Variants in DPP10 observed in about 807,000 individuals in gnomAD.
DPP10 encodes inactive dipeptidyl peptidase 10.
A neutral mutation model predicts 120.9 loss-of-function variants in DPP10; 33 were observed. The ratio of observed to expected loss-of-function variants is 0.27; its 90% CI spans 0.21 to 0.37. The LOEUF (loss-of-function observed/expected upper bound fraction) is 0.37, where lower values mean the gene tolerates loss of function less well. Ranked by LOEUF, DPP10 falls within the 10% of genes least tolerant of loss-of-function variation. DPP10 has a pLI of 1.00. For missense variants in DPP10, 816 were observed against 942.8 expected, an observed-to-expected ratio of 0.87 and a Z score of 1.76; for synonymous variants, 337 against 326.1, an observed-to-expected ratio of 1.03 and a Z score of -0.36.
At chr2:115,020,112 G>A (rs535838777) in intron 1 of DPP10, among the ~76,000 whole-genome samples, 4 of 152,080 alleles carry the variant, frequency 2.6e-5, no homozygotes, top group South Asian at 2.1e-4. Flanking sequence ...AAAAACCCAA[G>A]TTATTCAGAC....
chr2:115,257,811 C>A (rs973750974), intron 1 of DPP10, among the ~76,000 whole-genome samples: 20 of 152,102 alleles, frequency 1.3e-4, no homozygotes, highest in Non-Finnish European at 2.8e-4. Flanking sequence ...GATGATATAA[C>A]CTATTTTGTC....
At chr2:114,497,075 A>G (rs753905703) in intron 1 of DPP10, among the ~76,000 whole-genome samples, 1 of 150,530 alleles carries the variant, frequency 6.6e-6, no homozygotes, top group Non-Finnish European at 1.5e-5. Context: ...ATACACATAT[A>G]CATATACATG....
intron 1 of DPP10, among the ~76,000 whole-genome samples, chr2:115,090,689 A>ATTTTT (rs10650818): frequency 6.6e-6 from 1 of 151,766 alleles, no homozygotes; most frequent in Non-Finnish European, 1.5e-5. Flanking sequence ...TTTCTGGACG[A>ATTTTT]TTTTTTTGGT....
Position 114,961,340 on chromosome 2 carries a change from C to T in DPP10, c.61-347899C>T, listed in dbSNP as rs188960128. ...AAGTGCTGAGATTAAAGGCATGAGC[C>T]ACTGCGCCTGGCCCTGTATGTGCTT... On this transcript the variant is annotated intron_variant, in intron 1 of 25. Transcript: ENST00000410059. Among the ~76,000 whole-genome samples, 67 of 152,154 alleles carry T rather than the reference C, an allele frequency of 4.4e-4. 1 individual carries two copies. Among genetic ancestry groups the T allele is most frequent in the African/African-American group, 1.6e-3 (66 of 41,518 alleles).
intron 3 of DPP10, among the ~76,000 whole-genome samples, chr2:115,403,201 C>T (rs1227588478): frequency 6.6e-6 from 1 of 151,324 alleles, no homozygotes; most frequent in East Asian, 1.9e-4. Flanking sequence ...AACTCAGCAC[C>T]CTTTTCTTAT....
chr2:115,627,837 T>A (rs1348438895), intron 5 of DPP10, among the ~76,000 whole-genome samples: 1 of 152,198 alleles, frequency 6.6e-6, no homozygotes, highest in African/African-American at 2.4e-5. Context: ...GCTCCATCCA[T>A]GTCTCTGCAA....
intron 1 of DPP10, among the ~76,000 whole-genome samples, chr2:115,054,487 T>G (rs149341877): frequency 1.3e-5 from 2 of 152,154 alleles, no homozygotes; most frequent in Non-Finnish European, 2.9e-5. Context: ...AAAAGTGCAC[T>G]GTTGGGTTCA....
Position 114,993,257 on chromosome 2 carries a change from T to C in DPP10, c.61-315982T>C, listed in dbSNP as rs150911961. On this transcript the variant is annotated intron_variant, in intron 1 of 25. Coordinates refer to ENST00000410059, the MANE Select transcript of DPP10 (RefSeq NM_020868.6). Reference sequence around the variant, plus strand: ...GTCAAAATGCAGTTTAGTATTTAGTTGCGTCTGTTATCTTTAATCCACTGT... The same window carrying C: ...GTCAAAATGCAGTTTAGTATTTAGTCGCGTCTGTTATCTTTAATCCACTGT... Among the ~76,000 whole-genome samples, 173 of 152,228 alleles carry C rather than the reference T, an allele frequency of 1.1e-3. 2 individuals carry two copies. Among genetic ancestry groups the C allele is most frequent in the African/African-American group, 3.6e-3 (151 of 41,548 alleles).
At chr2:115,602,639 C>G (rs4491731) in intron 5 of DPP10, among the ~76,000 whole-genome samples, 1 of 152,140 alleles carries the variant, frequency 6.6e-6, no homozygotes, top group South Asian at 2.1e-4. Context: ...ACCTTCCTCT[C>G]AGACAAATGT....
At chr2:115,842,080 A>C in intron 25 of DPP10, 131 bp from the exon 26 acceptor site, 1 of 788,094 alleles carries the variant, frequency 1.3e-6, no homozygotes. Flanking sequence ...AATAACTTAG[A>C]GTAGAATTAG....
chr2:115,238,780 G>GC (rs2058123789), intron 1 of DPP10, among the ~76,000 whole-genome samples: 1 of 152,182 alleles, frequency 6.6e-6, no homozygotes, highest in African/African-American at 2.4e-5. Flanking sequence ...GGTTGATAAA[G>GC]CAGTGGTAGA....
In DPP10 at chr2:115,836,508, CT is replaced by C; in HGVS notation, c.2053del (p.Ser685GlnfsTer30). The C allele has an allele frequency of 6.2e-7, 1 of 1,613,340 alleles. No individual in the cohort carries two copies. Among genetic ancestry groups the C allele is most frequent in the Non-Finnish European group, 8.5e-7 (1 of 1,179,756 alleles). On this transcript the variant is annotated frameshift_variant and splice_region_variant, in exon 23 of 26. Coordinates refer to ENST00000410059, the MANE Select transcript of DPP10 (RefSeq NM_020868.6). LOFTEE classifies it high-confidence loss of function. ...AATGTCTGTTTTCTTGGGTCACAGC[CT>C]CAGCTTTCTCTGAAAGATACCTTGG... ...APITDLKLYA[S>X]AFSERYLGMP...
intron 1 of DPP10, among the ~76,000 whole-genome samples, chr2:114,853,916 G>A (rs1390340243): frequency 6.6e-6 from 1 of 152,214 alleles, no homozygotes; most frequent in Non-Finnish European, 1.5e-5. Flanking sequence ...GCCTTCAGCT[G>A]TCTGCCGCCC....
intron 5 of DPP10, among the ~76,000 whole-genome samples, chr2:115,685,293 G>A (rs894644615): frequency 6.6e-6 from 1 of 151,906 alleles, no homozygotes; most frequent in African/African-American, 2.4e-5. Context: ...TTTCTAAACT[G>A]TATAAATCAC....
intron 1 of DPP10, among the ~76,000 whole-genome samples, chr2:114,748,161 AAAC>A (rs1226156691): frequency 1.3e-5 from 2 of 151,926 alleles, no homozygotes; most frequent in Non-Finnish European, 2.9e-5. Flanking sequence ...ACTGGAAGTA[AAAC>A]AAAATTAAAC....
At chr2:115,121,542 TG>T (rs2049824900) in intron 1 of DPP10, among the ~76,000 whole-genome samples, 1 of 152,336 alleles carries the variant, frequency 6.6e-6, no homozygotes, top group East Asian at 1.9e-4. Context: ...GGGGCATTTT[TG>T]GCTCTTGGAA....
intron 3 of DPP10, among the ~76,000 whole-genome samples, chr2:115,476,831 G>C (rs2075117615): frequency 6.6e-6 from 1 of 151,842 alleles, no homozygotes; most frequent in South Asian, 2.1e-4. Context: ...TGACCCACTG[G>C]GATTATTCCT....
intron 1 of DPP10, among the ~76,000 whole-genome samples, chr2:114,747,610 C>T (rs1678697640): frequency 6.6e-6 from 1 of 152,154 alleles, no homozygotes; most frequent in South Asian, 2.1e-4. Context: ...TGAAACCATT[C>T]CTAAGTCAGA....
intron 1 of DPP10, among the ~76,000 whole-genome samples, chr2:115,248,558 T>C (rs11123291): frequency 0.48 from 72,350 of 151,866 alleles, 17,892 homozygotes; most frequent in Non-Finnish European, 0.56. Context: ...AATTGTGTTA[T>C]ACAGAGGGAA....
Sources: allele counts gnomAD v4.1 joint callset (sites outside exome capture counted in the v4.1 genomes callset), GRCh38; gene constraint gnomAD v4.1.1; transcripts MANE v1.5; gene names NCBI Gene and HGNC (gene_info 2026-07-23, HGNC 2026-07-21).